TOX2: variants seen among roughly 807,000 people sequenced by gnomAD.
The protein encoded by TOX2 is granulosa cell HMG box 1.
Under a neutral mutation model 47.4 loss-of-function variants are expected in TOX2, and 15 were observed. The observed-to-expected ratio is 0.32, with a 90% confidence interval of 0.21 to 0.49. The LOEUF (loss-of-function observed/expected upper bound fraction) is 0.49, where lower values mean the gene tolerates loss of function less well. Among genes scored for constraint, TOX2 ranks in the 20% least tolerant of loss-of-function variants. The pLI is 0.99. For synonymous variants in TOX2, 290 were observed against 296.6 expected, an observed-to-expected ratio of 0.98 and a Z score of 0.23; for missense variants, 622 against 673.1, an observed-to-expected ratio of 0.92 and a Z score of 0.84.
chr20:43,968,192 TTACTC>T (rs2069894794), intron 1 of TOX2, among the ~76,000 whole-genome samples: 1 of 152,172 alleles, frequency 6.6e-6, no homozygotes, highest in African/African-American at 2.4e-5. Context: ...ATCCCATCCT[TTACTC>T]CTTCCTCCTT....
intron 3 of TOX2, 67 bp downstream of exon 3, chr20:44,006,859 A>T: frequency 6.5e-7 from 1 of 1,540,250 alleles, no homozygotes; most frequent in South Asian, 1.2e-5. Context: ...AGGGAAGCAG[A>T]AGAATGTTGA....
At chr20:43,926,494 G>A (rs1214348544) in intron 1 of TOX2, among the ~76,000 whole-genome samples, 1 of 152,186 alleles carries the variant, frequency 6.6e-6, no homozygotes, top group Non-Finnish European at 1.5e-5. Context: ...GGTTAGGTCT[G>A]TGGGAGAGCA....
At chr20:43,928,991 A>AAC (rs1555829650) in intron 1 of TOX2, among the ~76,000 whole-genome samples, 1 of 150,404 alleles carries the variant, frequency 6.6e-6, no homozygotes, top group East Asian at 1.9e-4. Context: ...GAAAAAAAAA[A>AAC]AAAAAAAACA....
chr20:43,978,763 TTGTGTGTGTGTGTGTGTGTGTGTG>T (rs9305120), intron 2 of TOX2, among the ~76,000 whole-genome samples: 1 of 146,506 alleles, frequency 6.8e-6, no homozygotes. Context: ...TTGAAAGAAC[TTGTGTGTGTGTGTGTGTGTGTGTG>T]TGTGTGTGTG....
intron 1 of TOX2, among the ~76,000 whole-genome samples, chr20:43,931,375 T>A (rs1389361651): frequency 1.8e-4 from 27 of 152,190 alleles, no homozygotes; most frequent in Admixed American, 1.8e-3. Context: ...GCTCAAGCGA[T>A]CCTCCCACCT....
chr20:44,006,578 A>G lies in TOX2; in HGVS notation c.197A>G (p.Asp66Gly), dbSNP rs772834176. Residue 66 changes from aspartate (D) to glycine (G), a missense_variant, in exon 3 of 9, where the codon GAC (aspartate) becomes GGC (glycine). By Grantham distance (94) the Asp-to-Gly change is moderately conservative. Transcript: ENST00000341197. ...TYNGQSENNE[D>G]YEIPPITPPN... Reference sequence around the variant, plus strand: ...AACGGCCAGAGCGAGAACAACGAAGACTATGAGATCCCCCCGATAACACCT... The same window carrying G: ...AACGGCCAGAGCGAGAACAACGAAGGCTATGAGATCCCCCCGATAACACCT... The G allele has an allele frequency of 1.9e-6, 3 of 1,613,750 alleles. No homozygotes were observed. Among genetic ancestry groups the G allele is most frequent in the African/African-American group, 2.7e-5 (2 of 74,890 alleles).
intron 1 of TOX2, among the ~76,000 whole-genome samples, chr20:43,917,254 G>T (rs983766406): frequency 6.6e-6 from 1 of 152,014 alleles, no homozygotes; most frequent in Admixed American, 6.6e-5. Flanking sequence ...TGGCCTTAGT[G>T]GTGGTGGTTG....
rs769085830 is a variant in TOX2 at position 44,027,007 on chromosome 20, C to T, written c.411+20215C>T. On this transcript the variant is annotated intron_variant, in intron 3 of 8. Transcript: ENST00000341197. ...GAGAGTTCATAAAAACATGTAAACA[C>T]GGGTGAGGATACAAAATATTGAGCG... Among the ~76,000 whole-genome samples, 7 of 152,156 alleles carry T rather than the reference C, an allele frequency of 4.6e-5. No homozygotes were observed. The East Asian group carries it at 7.7e-4, about 17-fold the overall frequency.
chr20:43,949,976 A>G (rs868433363), intron 1 of TOX2, among the ~76,000 whole-genome samples: 1 of 152,302 alleles, frequency 6.6e-6, no homozygotes, highest in Non-Finnish European at 1.5e-5. Flanking sequence ...AGACTGGAAT[A>G]GGATCCTCAA....
intron 2 of TOX2, among the ~76,000 whole-genome samples, chr20:43,990,099 T>TATA (rs1334022674): frequency 6.6e-6 from 1 of 152,196 alleles, no homozygotes; most frequent in Admixed American, 6.5e-5. Context: ...GTGAAATGAT[T>TATA]ATAATAATAA....
At chr20:44,031,127 C>G (rs908836341) in intron 3 of TOX2, among the ~76,000 whole-genome samples, 2 of 151,954 alleles carry the variant, frequency 1.3e-5, no homozygotes, top group Non-Finnish European at 2.9e-5. Context: ...GAGCAGGTGG[C>G]CAAGTGGTAT....
intron 5 of TOX2, among the ~76,000 whole-genome samples, chr20:44,055,251 TGAATC>T (rs1226717705): frequency 1.3e-5 from 2 of 152,182 alleles, no homozygotes; most frequent in African/African-American, 4.8e-5. Flanking sequence ...ATGAGAGACA[TGAATC>T]AAATAAGCAG....
intron 2 of TOX2, among the ~76,000 whole-genome samples, chr20:43,996,272 T>A (rs1384441873): frequency 6.6e-6 from 1 of 152,242 alleles, no homozygotes; most frequent in Non-Finnish European, 1.5e-5. Flanking sequence ...GGTGATGTTG[T>A]AGCTGAGATG....
At chr20:44,053,551 CATATATACTATATAT>C (rs764919929) in intron 4 of TOX2, among the ~76,000 whole-genome samples, 34 of 75,350 alleles carry the variant, frequency 4.5e-4, no homozygotes, top group Non-Finnish European at 9.1e-4. Context: ...TATATATATA[CATATATACTATATAT>C]ACACACACAT....
chr20:43,950,164 G>A (rs1403144255), intron 1 of TOX2, among the ~76,000 whole-genome samples: 1 of 152,168 alleles, frequency 6.6e-6, no homozygotes, highest in African/African-American at 2.4e-5. Flanking sequence ...TCTGAGCAGA[G>A]CAAACTCAAC....
chr20:44,062,999 T>TCA (rs1569150054), intron 5 of TOX2, among the ~76,000 whole-genome samples: 1 of 152,174 alleles, frequency 6.6e-6, no homozygotes, highest in Non-Finnish European at 1.5e-5. Flanking sequence ...TCAAAATGGA[T>TCA]GGAAGACTTA....
At chr20:43,930,523 G>A (rs538222481) in intron 1 of TOX2, among the ~76,000 whole-genome samples, 15 of 152,324 alleles carry the variant, frequency 9.8e-5, no homozygotes, top group African/African-American at 3.4e-4. Flanking sequence ...AAGGCTGGCA[G>A]ATGCAGCCCC....
chr20:43,981,897 C>T (rs999740242), intron 2 of TOX2, among the ~76,000 whole-genome samples: 2 of 150,042 alleles, frequency 1.3e-5, no homozygotes, highest in Non-Finnish European at 1.5e-5. Flanking sequence ...GGGCCAGGGC[C>T]GAGCTCAATG....
intron 1 of TOX2, among the ~76,000 whole-genome samples, chr20:43,958,964 G>A (rs934927629): frequency 1.3e-5 from 2 of 152,228 alleles, no homozygotes; most frequent in African/African-American, 4.8e-5. Context: ...GCCTTGGAGT[G>A]CAGTTTTCTG....
Sources: gnomAD v4.1 joint callset for allele counts (sites outside exome capture counted in the v4.1 genomes callset) on GRCh38, gnomAD v4.1.1 for gene constraint, MANE v1.5 for transcripts, NCBI Gene and HGNC (gene_info 2026-07-23, HGNC 2026-07-21) for gene names.